LARS1: variants seen among roughly 807,000 people sequenced by gnomAD.
The protein encoded by LARS1 is leucyl-tRNA synthetase 1.
In LARS1, 100 loss-of-function variants were observed where a neutral mutation model predicts 162.8. The observed-to-expected ratio is 0.61, with a 90% CI of 0.52 to 0.73. LARS1 has a LOEUF of 0.73. Ranked by LOEUF, LARS1 falls within the 30% of genes least tolerant of loss-of-function variation. The pLI, the probability that LARS1 is intolerant of heterozygous loss-of-function variation, is 0.00. For missense variants in LARS1, 1,258 were observed against 1,408.9 expected, an observed-to-expected ratio of 0.89 and a Z score of 1.71; for synonymous variants, 457 against 462.8, an observed-to-expected ratio of 0.99 and a Z score of 0.16.
chr5:146,147,530 T>A (rs1049245976), intron 15 of LARS1, among the ~76,000 whole-genome samples: 1 of 152,150 alleles, frequency 6.6e-6, no homozygotes, highest in Non-Finnish European at 1.5e-5. Flanking sequence ...TTTTATACAT[T>A]TGAAATTTTC....
At chr5:146,124,333 AG>A (rs1376770429) in intron 28 of LARS1, among the ~76,000 whole-genome samples, 1 of 151,902 alleles carries the variant, frequency 6.6e-6, no homozygotes, top group African/African-American at 2.4e-5. Context: ...GGAAGGCACA[AG>A]GTTTTCAGAT....
Position 146,182,607 on chromosome 5 carries a change from G to A in LARS1, c.-114C>T. 7.2e-7 allele frequency: 1 copy of A among 1,396,838 alleles called. No homozygotes were observed. The highest frequency in any genetic ancestry group is 1.2e-5 in the South Asian group (1 of 86,564). 86.5% of individuals were successfully genotyped at this position (1,396,838 alleles called of 1,614,324 possible). A position where few individuals can be genotyped will look rare whatever the true frequency, so the allele number is the denominator to read the frequency against. ...ATGCCAGGCCTCCCACGAAACTAAA[G>A]CACACGCTTCACACCTGCTGAGGCA... is the stretch of plus-strand genomic sequence containing the variant. On this transcript the variant is annotated 5_prime_UTR_variant, in exon 1 of 32. Coordinates refer to ENST00000394434, the MANE Select transcript of LARS1 (RefSeq NM_020117.11).
chr5:146,179,095 G>C (rs532971461), intron 1 of LARS1, among the ~76,000 whole-genome samples: 4 of 152,202 alleles, frequency 2.6e-5, no homozygotes, highest in Non-Finnish European at 4.4e-5. Context: ...AGCCGGATGC[G>C]TTGGCATGCG....
chr5:146,144,629 G>T lies in LARS1; in HGVS notation c.1584C>A (p.Asp528Glu), dbSNP rs779421839. 1.9e-6 allele frequency: 3 copies of T among 1,613,948 alleles called. No individual in the cohort carries two copies. In the East Asian group the frequency reaches 6.7e-5, roughly 36 times the overall value. Reference sequence around the variant, plus strand: ...TCTTGCTATAAGAGACTAACCACTGGTCACACAGAGCCACAACACATTCAT... The same window carrying T: ...TCTTGCTATAAGAGACTAACCACTGTTCACACAGAGCCACAACACATTCAT... Reference protein sequence around the residue: ...SSDECVVALCDQWYLDYGEEN... With the variant: ...SSDECVVALCEQWYLDYGEEN... Residue 528 changes from aspartate (D) to glutamate (E), a missense_variant, in exon 16 of 32, where the codon GAC (aspartate) becomes GAA (glutamate). Transcript: ENST00000394434.
At chr5:146,149,557 A>G (rs919129703) in intron 15 of LARS1, 65 bp downstream of exon 15, 17 of 1,143,688 alleles carry the variant, frequency 1.5e-5, no homozygotes, top group African/African-American at 1.4e-4. Context: ...CTCACTGCTA[A>G]TAACACTGTC....
intron 2 of LARS1, among the ~76,000 whole-genome samples, chr5:146,176,054 A>G (rs1391688798): frequency 1.3e-5 from 2 of 152,112 alleles, no homozygotes; most frequent in Admixed American, 6.6e-5. Context: ...CAGAAGGCCG[A>G]GGAAGAAGGA....
In LARS1 at chr5:146,144,492, C is replaced by T; in HGVS notation, c.1635G>A (p.Gln545=). ...CTTACGTTTCCAGGTTCTTCAAGCA[C>T]TGAGATGTCTGTTTCTTCCAATTCT... ...GEENWKKQTS[Q]CLKNLETFCE... Residue 545 remains glutamine (Q), a synonymous_variant, in exon 17 of 32, where the codon CAG becomes CAA. Transcript: ENST00000394434. 6.2e-7 allele frequency: 1 copy of T among 1,613,830 alleles called. No individual in the cohort carries two copies. The highest frequency in any genetic ancestry group is 8.5e-7 in the Non-Finnish European group (1 of 1,179,922).
chr5:146,127,870 G>C lies in LARS1; in HGVS notation c.2880+802C>G, dbSNP rs1752109043. ...AGCATTTCTTAATTAACTATGAAAAGTGTTGAGGCAAAATTCCAATAATGG... is the reference window on the plus strand; with the variant it reads ...AGCATTTCTTAATTAACTATGAAAACTGTTGAGGCAAAATTCCAATAATGG... On this transcript the variant is annotated intron_variant, in intron 27 of 31. Transcript: ENST00000394434. Among the ~76,000 whole-genome samples, 2 of 152,110 alleles carry C rather than the reference G, an allele frequency of 1.3e-5. 1 individual carries two copies. The highest frequency in any genetic ancestry group is 4.1e-4 in the South Asian group (2 of 4,834).
At chr5:146,130,287 C>A (rs1370154428) in intron 24 of LARS1, 129 bp from the exon 25 acceptor site, 2 of 860,870 alleles carry the variant, frequency 2.3e-6, no homozygotes, top group African/African-American at 1.7e-5. Flanking sequence ...TAACAAATTA[C>A]TGTAAAGGTT....
Position 146,131,049 on chromosome 5 carries a change from T to C in LARS1, c.2457A>G (p.Glu819=). 1 of 1,599,296 alleles carries C rather than the reference T, an allele frequency of 6.3e-7. No homozygotes were observed. Among genetic ancestry groups the C allele is most frequent in the Non-Finnish European group, 8.5e-7 (1 of 1,170,474 alleles). ...DQNYEKMMFK[E]ALKTGFFEFQ... Reference sequence around the variant, plus strand: ...ACTCAAAAAACCCTGTTTTCAAAGCTTCTTTAAACATCATCTTTTCATAGT... The same window carrying C: ...ACTCAAAAAACCCTGTTTTCAAAGCCTCTTTAAACATCATCTTTTCATAGT... Residue 819 remains glutamate, a synonymous_variant, in exon 24 of 32, where the codon GAA becomes GAG. Transcript: ENST00000394434.
intron 21 of LARS1, among the ~76,000 whole-genome samples, chr5:146,139,995 T>TG (rs772551314): frequency 2.0e-5 from 3 of 152,090 alleles, no homozygotes; most frequent in Admixed American, 6.5e-5. Context: ...TTGGTAGAGA[T>TG]GGGGTCTCAC....
rs535955773 is a variant in LARS1, at chr5:146,113,426, G to C, written c.*680C>G. ...TTAGTAAATGCAGATTTCTGGGGGGGAAGGGGGGAATCTTCTTTTAAAATG... is the reference window on the plus strand; with the variant it reads ...TTAGTAAATGCAGATTTCTGGGGGGCAAGGGGGGAATCTTCTTTTAAAATG... On this transcript the variant is annotated 3_prime_UTR_variant, in exon 32 of 32. Coordinates refer to ENST00000394434, the MANE Select transcript of LARS1 (RefSeq NM_020117.11). 6.6e-6 allele frequency: 1 copy of C among 152,522 alleles called. No individual in the cohort carries two copies. Among genetic ancestry groups the C allele is most frequent in the Admixed American group, 6.6e-5 (1 of 15,248 alleles). 9.4% of individuals were successfully genotyped at this position (152,522 alleles called of 1,614,324 possible).
rs1051847309 is a variant in LARS1, at chr5:146,130,029, G to C, written c.2617C>G (p.Leu873Val). The C allele has an allele frequency of 1.9e-5, 31 of 1,607,062 alleles. No homozygotes were observed. The highest frequency in any genetic ancestry group is 2.3e-5 in the Non-Finnish European group (27 of 1,178,046). The change falls in exon 25 of 32, where the codon CTC becomes GTC. Residue 873 changes from leucine (L) to valine (V), a missense_variant. Coordinates refer to ENST00000394434, the MANE Select transcript of LARS1 (RefSeq NM_020117.11). Reference sequence around the variant, plus strand: ...ATGCATGAAGGTACCTTTCCCAGGAGTGTCCAGATGTGCTCACACAAATGT... The same window carrying C: ...ATGCATGAAGGTACCTTTCCCAGGACTGTCCAGATGTGCTCACACAAATGT... ...CPHLCEHIWT[L>V]LGKPDSIMNA...
rs1033937032 is a variant in LARS1, at chr5:146,153,240, T to A, written c.1231-13A>T. On this transcript the variant is annotated splice_polypyrimidine_tract_variant and intron_variant, in intron 12 of 31. Coordinates refer to ENST00000394434, the MANE Select transcript of LARS1 (RefSeq NM_020117.11). The stretch of plus-strand genomic sequence containing the variant: ...TTGCTCGTAAGGCCTACAGAAAAAT[T>A]TGCAAGTTAACACTAATGATCAACA... 1 of 1,605,326 alleles carries A rather than the reference T, an allele frequency of 6.2e-7. No homozygotes were observed. The highest frequency in any genetic ancestry group is 1.7e-5 in the Admixed American group (1 of 59,918).
chr5:146,175,736 G>A (rs576176173), intron 2 of LARS1, among the ~76,000 whole-genome samples: 2 of 151,030 alleles, frequency 1.3e-5, no homozygotes, highest in African/African-American at 2.4e-5. Flanking sequence ...GCTGAAGCAG[G>A]AGAATGGCGT....
At chr5:146,172,833 C>T (rs2126586124) in intron 2 of LARS1, 59 bp from the exon 3 acceptor site, 4 of 871,492 alleles carry the variant, frequency 4.6e-6, no homozygotes, top group Non-Finnish European at 6.8e-6. Context: ...GTTCCTTTTA[C>T]AATAAGGAAG....
At chr5:146,133,193 G>T in intron 22 of LARS1, 112 bp from the exon 23 acceptor site, 2 of 840,770 alleles carry the variant, frequency 2.4e-6, no homozygotes, top group Non-Finnish European at 3.6e-6. Context: ...ATTAACAAAT[G>T]CTTTAAAGGA....
At chr5:146,168,319 A>G (rs1312318388) in intron 4 of LARS1, 54 bp from the exon 5 acceptor site, 2 of 1,545,186 alleles carry the variant, frequency 1.3e-6, no homozygotes, top group African/African-American at 2.8e-5. Flanking sequence ...ACACAATTTC[A>G]GTTTTTTACT....
chr5:146,163,710 C>T (rs994837604), intron 6 of LARS1, among the ~76,000 whole-genome samples: 2 of 152,074 alleles, frequency 1.3e-5, no homozygotes, highest in African/African-American at 4.8e-5. Flanking sequence ...AAAAAAAGAA[C>T]TTTTCTTTGC....
Sources: allele counts gnomAD v4.1 joint callset (sites outside exome capture counted in the v4.1 genomes callset), GRCh38; gene constraint gnomAD v4.1.1; transcripts MANE v1.5; gene names NCBI Gene and HGNC (gene_info 2026-07-23, HGNC 2026-07-21).